ODAD4: variants seen among roughly 807,000 people sequenced by gnomAD.
The protein encoded by ODAD4 is outer dynein arm docking complex subunit 4, also known as outer dynein arm-docking complex subunit 4.
In ODAD4, 49 loss-of-function variants were observed where a neutral mutation model predicts 51.8. The observed-to-expected ratio is 0.95, with a 90% CI of 0.75 to 1.20. The LOEUF (loss-of-function observed/expected upper bound fraction) is 1.20. Ranked by LOEUF, ODAD4 falls within the 50% of genes most tolerant of loss-of-function variation. The pLI is 0.00. For missense variants in ODAD4, 590 were observed against 586.5 expected (o/e 1.01, Z -0.06); for synonymous variants, 235 against 221.3 (o/e 1.06, Z -0.55).
intron 9 of ODAD4, among the ~76,000 whole-genome samples, chr17:41,953,674 G>T (rs1405314796): frequency 2.2e-4 from 34 of 151,220 alleles, no homozygotes; most frequent in African/African-American, 6.5e-4. Flanking sequence ...TATATAGAGA[G>T]AGAGAGAGAG....
chr17:41,942,603 G>A (rs557179582), intron 7 of ODAD4, among the ~76,000 whole-genome samples: 57 of 152,302 alleles, frequency 3.7e-4, no homozygotes, highest in African/African-American at 1.2e-3. Flanking sequence ...GGGCCAAGGA[G>A]ACAGGCAGGT....
At chr17:41,955,584 G>A (rs533026284) in intron 10 of ODAD4, among the ~76,000 whole-genome samples, 4 of 151,986 alleles carry the variant, frequency 2.6e-5, no homozygotes, top group South Asian at 2.1e-4. Flanking sequence ...CCCCCACCAC[G>A]TCTGGCTAAT....
Position 41,938,584 on chromosome 17 carries a change from G to C in ODAD4, c.653G>C (p.Gly218Ala), listed in dbSNP as rs1555638182. 1 of 1,613,852 alleles carries C rather than the reference G, an allele frequency of 6.2e-7. No individual in the cohort carries two copies. Among genetic ancestry groups the C allele is most frequent in the African/African-American group, 1.3e-5 (1 of 75,034 alleles). Residue 218 changes from glycine (G) to alanine (A), a missense_variant, in exon 6 of 12, where the codon GGC becomes GCC. This residue lies in a region of ODAD4 where 360 missense variants were observed against 407.5 expected (regional missense o/e 0.88). Coordinates refer to ENST00000377540, the MANE Select transcript of ODAD4 (RefSeq NM_031421.5). The part of the protein sequence containing the change: ...EDLIKGTMKG[G>A]LTVEDLIMTG... ...CTGATCAAAGGCACCATGAAGGGCGGCCTGACTGTGGAGGACCTCATCATG... is the reference window on the plus strand; with the variant it reads ...CTGATCAAAGGCACCATGAAGGGCGCCCTGACTGTGGAGGACCTCATCATG...
intron 5 of ODAD4, 53 bp downstream of exon 5, chr17:41,936,980 A>G: frequency 6.3e-7 from 1 of 1,595,876 alleles, no homozygotes; most frequent in Non-Finnish European, 8.6e-7. Flanking sequence ...ATCTGGGTGG[A>G]TGCTTCATGC....
intron 10 of ODAD4, among the ~76,000 whole-genome samples, chr17:41,960,498 A>G (rs2144541058): frequency 6.6e-6 from 1 of 152,324 alleles, no homozygotes; most frequent in Non-Finnish European, 1.5e-5. Context: ...ACCCTGGTTC[A>G]TGACCAGTGC....
At chr17:41,937,069 AC>A in intron 5 of ODAD4, 142 bp downstream of exon 5, 1 of 1,032,684 alleles carries the variant, frequency 9.7e-7, no homozygotes, top group Non-Finnish European at 1.4e-6. Flanking sequence ...TTCTCATTTT[AC>A]AGATGAGGAA....
intron 11 of ODAD4, 147 bp downstream of exon 11, chr17:41,961,613 CCCTAG>C: frequency 1.6e-6 from 1 of 639,816 alleles, no homozygotes; most frequent in Non-Finnish European, 2.8e-6. Context: ...CCACCAGCAG[CCCTAG>C]CCTATCTCTG....
intron 9 of ODAD4, among the ~76,000 whole-genome samples, chr17:41,949,623 GC>G (rs1486420748): frequency 6.6e-6 from 1 of 152,108 alleles, no homozygotes; most frequent in Non-Finnish European, 1.5e-5. Flanking sequence ...TCACAACAGT[GC>G]CCATGTATTG....
At chr17:41,935,383 T>C in intron 2 of ODAD4, 35 bp downstream of exon 2, 2 of 1,606,652 alleles carry the variant, frequency 1.2e-6, no homozygotes, top group Non-Finnish European at 1.7e-6. Flanking sequence ...GATCCTGCCA[T>C]TGCCTGTAGC....
At chr17:41,948,261 C>A (rs1157201600) in intron 8 of ODAD4, among the ~76,000 whole-genome samples, 1 of 151,752 alleles carries the variant, frequency 6.6e-6, no homozygotes. Context: ...TTTTTTCATT[C>A]CAATCTTTTT....
intron 7 of ODAD4, among the ~76,000 whole-genome samples, chr17:41,944,423 CA>C (rs782578504): frequency 0.032 from 263 of 8,214 alleles, 8 homozygotes; most frequent in African/African-American, 0.048. Flanking sequence ...CACACACACA[CA>C]CACACACACA....
At position 41,953,666 on chromosome 17, in the gene ODAD4, T is replaced by TAGAGAG. The variant is rs140951418; in HGVS notation, c.1343-1550_1343-1549insGAGAGA. On this transcript the variant is annotated intron_variant, in intron 9 of 11. Transcript: ENST00000377540. Reference sequence around the variant, plus strand: ...CTATTAATTTAATTATATATATATATATAGAGAGAGAGAGAGAGAGAGACA... The same window carrying TAGAGAG: ...CTATTAATTTAATTATATATATATATAGAGAGATAGAGAGAGAGAGAGAGAGAGACA... Among the ~76,000 whole-genome samples, 8 of 147,642 alleles carry TAGAGAG rather than the reference T, an allele frequency of 5.4e-5. No homozygotes were observed. The South Asian group carries it at 6.6e-4, about 12-fold the overall frequency.
chr17:41,937,118 A>G, intron 5 of ODAD4, 191 bp downstream of exon 5: 1 of 635,258 alleles, frequency 1.6e-6, no homozygotes. Context: ...GGTCATATAT[A>G]GGTAGGCAAT....
In ODAD4 at chr17:41,965,488, A is replaced by G. The variant is rs781818956; in HGVS notation, c.*5A>G. ...ATGGAAAAGGAATATGAATGAAGCC[A>G]TCGGTAGAGATGAGGATCAGGAAGC... is the stretch of plus-strand genomic sequence containing the variant. On this transcript the variant is annotated 3_prime_UTR_variant, in exon 12 of 12. Coordinates refer to ENST00000377540, the MANE Select transcript of ODAD4 (RefSeq NM_031421.5). 1.4e-5 allele frequency: 11 copies of G among 763,076 alleles called. No individual in the cohort carries two copies. In the Middle Eastern group the frequency reaches 9.2e-4, roughly 64 times the overall value. The allele number at this position is 763,076 out of a possible 1,614,324, so 47.3% of individuals were successfully genotyped here.
chr17:41,963,936 A>T (rs1171398764), intron 11 of ODAD4, among the ~76,000 whole-genome samples: 1 of 143,188 alleles, frequency 7.0e-6, no homozygotes, highest in African/African-American at 2.6e-5. Flanking sequence ...CCCCTCTGTT[A>T]CCCAGTCTGG....
At chr17:41,944,180 A>G (rs1598078591) in intron 7 of ODAD4, among the ~76,000 whole-genome samples, 1 of 150,200 alleles carries the variant, frequency 6.7e-6, no homozygotes, top group Admixed American at 6.6e-5. Flanking sequence ...CTGGGCCACA[A>G]GAGTGAAACT....
At chr17:41,944,613 C>A (rs9916275) in intron 7 of ODAD4, among the ~76,000 whole-genome samples, 133,015 of 151,512 alleles carry the variant, frequency 0.88, 58,827 homozygotes, top group East Asian at 1. Flanking sequence ...GACATGGCGG[C>A]AAGCTTGTCT....
chr17:41,958,906 CG>C (rs2050768548), intron 10 of ODAD4, among the ~76,000 whole-genome samples: 1 of 147,546 alleles, frequency 6.8e-6, no homozygotes, highest in South Asian at 2.2e-4. Context: ...CCCAGCTACT[CG>C]GGAGGCTGAA....
chr17:41,941,651 T>G (rs1164400418), intron 7 of ODAD4, among the ~76,000 whole-genome samples: 2 of 151,476 alleles, frequency 1.3e-5, no homozygotes, highest in African/African-American at 4.8e-5. Flanking sequence ...TGTGGTGGTG[T>G]GCGCCTGTAG....
Sources: gnomAD v4.1 joint callset for allele counts (sites outside exome capture counted in the v4.1 genomes callset) on GRCh38, gnomAD v4.1.1 for gene constraint, gnomAD v4.1.1 regional missense constraint, MANE v1.5 for transcripts, NCBI Gene and HGNC (gene_info 2026-07-23, HGNC 2026-07-21) for gene names.